OPCML: variants seen among roughly 807,000 people sequenced by gnomAD.
OPCML encodes the protein opioid binding protein/cell adhesion molecule like, also known as opioid-binding protein/cell adhesion molecule.
A neutral mutation model predicts 37.8 loss-of-function variants in OPCML; 13 were observed. The observed-to-expected ratio is 0.34, with a 90% confidence interval of 0.22 to 0.55. OPCML has a LOEUF of 0.55. Ranked by LOEUF, OPCML falls within the 20% of genes least tolerant of loss-of-function variation. OPCML has a pLI of 0.91. For missense variants in OPCML, 341 were observed against 435.6 expected, an observed-to-expected ratio of 0.78 and a Z score of 1.93; for synonymous variants, 176 against 168.8, an observed-to-expected ratio of 1.04 and a Z score of -0.33.
intron 2 of OPCML, among the ~76,000 whole-genome samples, chr11:132,818,784 G>T (rs1939795859): frequency 6.7e-6 from 1 of 149,564 alleles, no homozygotes; most frequent in Non-Finnish European, 1.5e-5. Flanking sequence ...AACCATATAT[G>T]GGGGAGGGGG....
At chr11:133,235,679 C>A (rs1940479531) in intron 1 of OPCML, among the ~76,000 whole-genome samples, 1 of 152,162 alleles carries the variant, frequency 6.6e-6, no homozygotes, top group South Asian at 2.1e-4. Context: ...CAAAAAATTA[C>A]TCCTTGAGGT....
In OPCML at chr11:133,099,440, TTC is replaced by T. The variant is rs1256456932; in HGVS notation, c.62-156432_62-156431del. 1.2e-3 allele frequency among the ~76,000 whole-genome samples: 147 copies of T among 119,188 alleles called. 2 individuals are homozygous for T. Among genetic ancestry groups the T allele is most frequent in the African/African-American group, 1.0e-3 (35 of 33,714 alleles). The allele number at this position is 119,188 out of a possible 152,430, so 78.2% of individuals were successfully genotyped here. ...ACCACACCTGGCTAATTTTCTTTTTTTCTTTTTTTTTTTTTTTTTTGTATTTT... is the reference window on the plus strand; with the variant it reads ...ACCACACCTGGCTAATTTTCTTTTTTTTTTTTTTTTTTTTTTTTGTATTTT... On this transcript the variant is annotated intron_variant, in intron 1 of 7. Coordinates refer to ENST00000524381, the MANE Select transcript of OPCML (RefSeq NM_001012393.5).
At chr11:132,748,100 C>T (rs1461120762) in intron 2 of OPCML, among the ~76,000 whole-genome samples, 1 of 148,054 alleles carries the variant, frequency 6.8e-6, no homozygotes, top group South Asian at 2.1e-4. Context: ...AGGTTGAAAG[C>T]AAAAGTGAGC....
At chr11:132,687,448 A>G (rs567988900) in intron 2 of OPCML, among the ~76,000 whole-genome samples, 3 of 127,906 alleles carry the variant, frequency 2.3e-5, no homozygotes, top group Non-Finnish European at 4.8e-5. Flanking sequence ...TATAGCAAGA[A>G]GTGCTGTAGC....
chr11:132,519,987 T>C (rs1021476581), intron 4 of OPCML, among the ~76,000 whole-genome samples: 2 of 152,170 alleles, frequency 1.3e-5, no homozygotes, highest in African/African-American at 2.4e-5. Context: ...TTTATTTTAA[T>C]TGACACAGAG....
intron 1 of OPCML, among the ~76,000 whole-genome samples, chr11:133,214,851 TAGAG>T (rs903015646): frequency 6.6e-6 from 1 of 152,160 alleles, no homozygotes; most frequent in African/African-American, 2.4e-5. Context: ...TACGAGCCAA[TAGAG>T]AGTGTGTGTC....
At chr11:133,380,444 TTG>T (rs143766579) in intron 1 of OPCML, among the ~76,000 whole-genome samples, 4,260 of 152,302 alleles carry the variant, frequency 0.028, 84 homozygotes, top group South Asian at 0.053. Context: ...GTACGGTACT[TTG>T]AATGCAATAT....
intron 2 of OPCML, among the ~76,000 whole-genome samples, chr11:132,787,228 C>G (rs1947245263): frequency 6.6e-6 from 1 of 152,022 alleles, no homozygotes; most frequent in Admixed American, 6.6e-5. Context: ...AGATTGCACC[C>G]CAAATTCAAC....
chr11:132,568,041 TGC>T (rs146409077), intron 3 of OPCML, among the ~76,000 whole-genome samples: 19,248 of 150,306 alleles, frequency 0.13, 1,749 homozygotes, highest in East Asian at 0.44. Context: ...TGTGTGTGTG[TGC>T]GCGCGCGCGC....
At chr11:133,140,829 C>CGAA (rs1555102439) in intron 1 of OPCML, among the ~76,000 whole-genome samples, 1 of 10,992 alleles carries the variant, frequency 9.1e-5, no homozygotes, top group Admixed American at 3.0e-3. Flanking sequence ...AAGAAGACGA[C>CGAA]GACGAAGAAG....
chr11:132,556,940 G>A (rs1321946073), intron 3 of OPCML, among the ~76,000 whole-genome samples: 2 of 152,142 alleles, frequency 1.3e-5, no homozygotes, highest in African/African-American at 4.8e-5. Context: ...TGAAACCCAT[G>A]AGGAAGAGAG....
intron 2 of OPCML, among the ~76,000 whole-genome samples, chr11:132,934,937 C>T (rs984701094): frequency 2.0e-5 from 3 of 151,924 alleles, no homozygotes; most frequent in African/African-American, 4.8e-5. Context: ...GTAGGGAGTT[C>T]GAGACCAGCC....
chr11:133,062,654 T>C (rs1948368941), intron 1 of OPCML, among the ~76,000 whole-genome samples: 1 of 152,180 alleles, frequency 6.6e-6, no homozygotes, highest in Non-Finnish European at 1.5e-5. Context: ...ATTTAATGCG[T>C]CACCGCACCC....
At chr11:132,984,682 C>G (rs1946652991) in intron 1 of OPCML, among the ~76,000 whole-genome samples, 1 of 152,132 alleles carries the variant, frequency 6.6e-6, no homozygotes, top group Admixed American at 6.6e-5. Context: ...TCTTAGAACT[C>G]TAACCAAAGA....
At chr11:133,474,094 T>G (rs1947179917) in intron 1 of OPCML, among the ~76,000 whole-genome samples, 1 of 152,256 alleles carries the variant, frequency 6.6e-6, no homozygotes, top group South Asian at 2.1e-4. Context: ...TACTTGTTAT[T>G]TATTTATTTC....
At chr11:133,464,082 C>T (rs1365890439) in intron 1 of OPCML, among the ~76,000 whole-genome samples, 5 of 152,134 alleles carry the variant, frequency 3.3e-5, no homozygotes, top group Non-Finnish European at 7.4e-5. Flanking sequence ...ATAAGAGGGA[C>T]TCCAACTCCA....
At chr11:133,262,138 T>C (rs1467554983) in intron 1 of OPCML, among the ~76,000 whole-genome samples, 1 of 152,228 alleles carries the variant, frequency 6.6e-6, no homozygotes. Context: ...TGATATAGTA[T>C]ACATTGTGGC....
chr11:133,072,852 G>A (rs1288128487), intron 1 of OPCML, among the ~76,000 whole-genome samples: 1 of 152,250 alleles, frequency 6.6e-6, no homozygotes. Context: ...CATTGACTAA[G>A]TCTTGTGACA....
chr11:133,407,186 A>C (rs1226706934), intron 1 of OPCML, among the ~76,000 whole-genome samples: 1 of 152,206 alleles, frequency 6.6e-6, no homozygotes, highest in African/African-American at 2.4e-5. Flanking sequence ...TAATCCATAG[A>C]ATAAATTCTG....
Sources: gnomAD v4.1 joint callset for allele counts (sites outside exome capture counted in the v4.1 genomes callset) on GRCh38, gnomAD v4.1.1 for gene constraint, MANE v1.5 for transcripts, NCBI Gene and HGNC (gene_info 2026-07-23, HGNC 2026-07-21) for gene names.